VPS13B: variants seen among roughly 807,000 people sequenced by gnomAD.
VPS13B encodes the protein vacuolar protein sorting 13 homolog B.
A neutral mutation model predicts 426.4 loss-of-function variants in VPS13B; 285 were observed. That is an observed-to-expected ratio of 0.67 (90% CI 0.61 to 0.74). The LOEUF (loss-of-function observed/expected upper bound fraction) is 0.74. VPS13B is among the 30% of genes least tolerant of loss of function. The pLI, the probability that VPS13B is intolerant of heterozygous loss-of-function variation, is 0.00. For synonymous variants in VPS13B, 1,676 were observed against 1,676.4 expected, an observed-to-expected ratio of 1.00 and a Z score of 0.01; for missense variants, 4,537 against 4,782.6, an observed-to-expected ratio of 0.95 and a Z score of 1.51.
chr8:99,176,416 C>T lies in VPS13B; in HGVS notation c.2333+6253C>T, dbSNP rs143794979. Among the ~76,000 whole-genome samples, 678 of 152,240 alleles carry T rather than the reference C, an allele frequency of 4.5e-3. 2 individuals are homozygous for T. The highest frequency in any genetic ancestry group is 6.4e-3 in the Non-Finnish European group (437 of 68,016). ...CCTCCCAAAGTGCTGGGATTACAGG[C>T]ATGAGCCACCGCGCCCAGCCCTGTA... On this transcript the variant is annotated intron_variant, in intron 16 of 61. Transcript: ENST00000357162.
chr8:99,558,490 A>C (rs1018369141), intron 31 of VPS13B, among the ~76,000 whole-genome samples: 1 of 152,132 alleles, frequency 6.6e-6, no homozygotes, highest in African/African-American at 2.4e-5. Context: ...TACATGTGCC[A>C]TGTTGGTGTG....
chr8:99,810,046 G>T (rs561904976), intron 44 of VPS13B, among the ~76,000 whole-genome samples: 1 of 152,254 alleles, frequency 6.6e-6, no homozygotes, highest in African/African-American at 2.4e-5. Context: ...ATTCACTGCA[G>T]CCTAACTCTT....
chr8:99,357,050 A>G (rs1244290831), intron 19 of VPS13B, among the ~76,000 whole-genome samples: 1 of 152,224 alleles, frequency 6.6e-6, no homozygotes, highest in East Asian at 1.9e-4. Flanking sequence ...AAATAAAGCT[A>G]ATTCAACTTT....
At chr8:99,151,941 T>C (rs1422262035) in intron 14 of VPS13B, among the ~76,000 whole-genome samples, 3 of 152,222 alleles carry the variant, frequency 2.0e-5, no homozygotes, top group African/African-American at 4.8e-5. Flanking sequence ...CACTTTTTCT[T>C]AGCCTGGCTA....
At chr8:99,302,654 G>T (rs1820427260) in intron 19 of VPS13B, among the ~76,000 whole-genome samples, 2 of 152,034 alleles carry the variant, frequency 1.3e-5, no homozygotes, top group South Asian at 2.1e-4. Context: ...GCATTACAGG[G>T]TATGCCACCA....
intron 19 of VPS13B, among the ~76,000 whole-genome samples, chr8:99,335,991 C>T (rs1383354922): frequency 6.6e-6 from 1 of 152,170 alleles, no homozygotes; most frequent in Non-Finnish European, 1.5e-5. Flanking sequence ...CAATGACTTT[C>T]TTCACAGAAT....
At chr8:99,071,970 A>G (rs1844875956) in intron 3 of VPS13B, among the ~76,000 whole-genome samples, 1 of 152,142 alleles carries the variant, frequency 6.6e-6, no homozygotes, top group Non-Finnish European at 1.5e-5. Flanking sequence ...CCTTTAGGGC[A>G]GTGGGCTCCC....
At chr8:99,333,090 A>G (rs1014732208) in intron 19 of VPS13B, among the ~76,000 whole-genome samples, 10 of 151,722 alleles carry the variant, frequency 6.6e-5, no homozygotes, top group African/African-American at 2.4e-4. Context: ...GTATTAGGTT[A>G]CTGGCAGCTT....
At chr8:99,573,934 A>G (rs1052923188) in intron 31 of VPS13B, among the ~76,000 whole-genome samples, 7 of 152,236 alleles carry the variant, frequency 4.6e-5, no homozygotes, top group African/African-American at 7.2e-5. Flanking sequence ...ATCCATGAGC[A>G]TGGAATGTCC....
chr8:99,848,973 C>G (rs1423374940), intron 55 of VPS13B, 79 bp downstream of exon 55: 1 of 1,272,780 alleles, frequency 7.9e-7, no homozygotes, highest in Admixed American at 1.7e-5. Context: ...TTATCTTTGT[C>G]ATCTCCACAT....
At chr8:99,114,908 A>G (rs1237335140) in intron 6 of VPS13B, among the ~76,000 whole-genome samples, 5 of 152,206 alleles carry the variant, frequency 3.3e-5, no homozygotes, top group African/African-American at 1.2e-4. Context: ...GCAGGAAACC[A>G]TTACACTGAA....
At chr8:99,516,787 CAA>C (rs528490868) in intron 29 of VPS13B, among the ~76,000 whole-genome samples, 57 of 16,644 alleles carry the variant, frequency 3.4e-3, no homozygotes, top group African/African-American at 0.013. Flanking sequence ...GACCGTGTCT[CAA>C]AAAAAAAAAA....
intron 43 of VPS13B, among the ~76,000 whole-genome samples, chr8:99,789,044 A>G (rs1247518962): frequency 2.0e-5 from 3 of 152,188 alleles, no homozygotes; most frequent in Non-Finnish European, 4.4e-5. Flanking sequence ...TATTATACTC[A>G]TTCTGGTCCT....
intron 19 of VPS13B, among the ~76,000 whole-genome samples, chr8:99,380,532 A>G (rs1477957493): frequency 2.6e-5 from 4 of 152,088 alleles, no homozygotes; most frequent in Admixed American, 1.3e-4. Flanking sequence ...TTGTCTGAGC[A>G]TGCTGCCTAA....
chr8:99,060,779 A>G (rs1445168355), intron 3 of VPS13B, among the ~76,000 whole-genome samples: 3 of 152,036 alleles, frequency 2.0e-5, no homozygotes, highest in Admixed American at 6.6e-5. Context: ...GCCATAAGTG[A>G]AACTTTTTGG....
At chr8:99,825,727 A>G (rs1012149568) in intron 51 of VPS13B, among the ~76,000 whole-genome samples, 6 of 152,176 alleles carry the variant, frequency 3.9e-5, no homozygotes, top group Non-Finnish European at 7.3e-5. Flanking sequence ...TCTTTAATCC[A>G]TCTTCAGTTA....
chr8:99,476,183 C>T (rs569389827), intron 24 of VPS13B, among the ~76,000 whole-genome samples: 2 of 152,238 alleles, frequency 1.3e-5, no homozygotes, highest in South Asian at 4.1e-4. Flanking sequence ...TAGCAACATT[C>T]CTGAAGAGAT....
chr8:99,062,489 G>T (rs189799291), intron 3 of VPS13B, among the ~76,000 whole-genome samples: 43 of 152,148 alleles, frequency 2.8e-4, no homozygotes, highest in African/African-American at 8.7e-4. Flanking sequence ...TTTTTTTGAG[G>T]CAGAGTTTCG....
chr8:99,193,547 T>TA (rs1563594854), intron 17 of VPS13B, among the ~76,000 whole-genome samples: 4 of 152,170 alleles, frequency 2.6e-5, no homozygotes, highest in Non-Finnish European at 5.9e-5. Flanking sequence ...CTATAAGAGA[T>TA]ATCTTCATCT....
Sources: gnomAD v4.1 joint callset for allele counts (sites outside exome capture counted in the v4.1 genomes callset) on GRCh38, gnomAD v4.1.1 for gene constraint, MANE v1.5 for transcripts, NCBI Gene and HGNC (gene_info 2026-07-23, HGNC 2026-07-21) for gene names.